Variants in DCLK1 observed in about 807,000 individuals in gnomAD.
DCLK1 encodes the protein serine/threonine-protein kinase DCLK1.
DCLK1 carries 16 observed loss-of-function variants against 86.2 expected under a neutral mutation model. The observed-to-expected ratio is 0.19, with a 90% CI of 0.13 to 0.28. The LOEUF is 0.28. DCLK1 is among the 10% of genes least tolerant of loss of function. DCLK1 has a pLI of 1.00. For synonymous variants in DCLK1, 369 were observed against 370.5 expected, an observed-to-expected ratio of 1.00 and a Z score of 0.05; for missense variants, 590 against 940.2, an observed-to-expected ratio of 0.63 and a Z score of 4.87.
At chr13:36,051,757 T>C (rs998664846) in intron 3 of DCLK1, among the ~76,000 whole-genome samples, 2 of 152,134 alleles carry the variant, frequency 1.3e-5, no homozygotes, top group African/African-American at 4.8e-5. Flanking sequence ...AACACTAAGG[T>C]ACTATTCAGC....
intron 2 of DCLK1, among the ~76,000 whole-genome samples, chr13:36,112,813 ATAAG>A (rs1278944153): frequency 2.0e-5 from 3 of 152,234 alleles, no homozygotes; most frequent in Non-Finnish European, 4.4e-5. Context: ...ATACTTGTTC[ATAAG>A]TAAGAGGTTT....
chr13:35,887,878 C>CAAAAAAAAAAAAAAAAAAA (rs760195385), intron 4 of DCLK1, among the ~76,000 whole-genome samples: 1 of 38,742 alleles, frequency 2.6e-5, no homozygotes, highest in African/African-American at 8.0e-5. Context: ...GATCTTGTCT[C>CAAAAAAAAAAAAAAAAAAA]AAAAAAAAAA....
At chr13:35,848,873 A>C in intron 6 of DCLK1, 1 of 985,380 alleles carries the variant, frequency 1.0e-6, no homozygotes, top group Non-Finnish European at 1.2e-6. Flanking sequence ...TAAAACAGAC[A>C]CCAGCATAGG....
intron 16 of DCLK1, among the ~76,000 whole-genome samples, chr13:35,786,365 A>G (rs1292922401): frequency 3.3e-5 from 5 of 152,240 alleles, no homozygotes; most frequent in African/African-American, 4.8e-5. Flanking sequence ...TTACACATAT[A>G]TATCTGGTTA....
At chr13:35,918,137 A>C (rs1875546423) in intron 4 of DCLK1, among the ~76,000 whole-genome samples, 1 of 152,238 alleles carries the variant, frequency 6.6e-6, no homozygotes, top group African/African-American at 2.4e-5. Context: ...CTTTCTACGT[A>C]TCCTCATATG....
chr13:35,824,067 G>T, intron 10 of DCLK1, among the ~76,000 whole-genome samples: 1 of 152,178 alleles, frequency 6.6e-6, no homozygotes, highest in Non-Finnish European at 1.5e-5. Context: ...CAGTCACCGT[G>T]GTCTATGTGA....
At chr13:35,942,144 G>A (rs560203338) in intron 4 of DCLK1, among the ~76,000 whole-genome samples, 5 of 152,112 alleles carry the variant, frequency 3.3e-5, no homozygotes, top group South Asian at 2.1e-4. Flanking sequence ...GAATCCACAC[G>A]GCTTTAATGT....
chr13:35,968,822 T>G (rs945980798), intron 3 of DCLK1, among the ~76,000 whole-genome samples: 6 of 152,140 alleles, frequency 3.9e-5, no homozygotes, highest in African/African-American at 1.4e-4. Flanking sequence ...AGTCCCAGCA[T>G]AGAGGACATT....
At chr13:35,988,895 T>G (rs1259168919) in intron 3 of DCLK1, among the ~76,000 whole-genome samples, 1 of 152,158 alleles carries the variant, frequency 6.6e-6, no homozygotes. Flanking sequence ...CCTGAATCTT[T>G]GCGGCCGCCC....
At chr13:35,889,657 G>C (rs1873515105) in intron 4 of DCLK1, among the ~76,000 whole-genome samples, 1 of 151,980 alleles carries the variant, frequency 6.6e-6, no homozygotes, top group African/African-American at 2.4e-5. Context: ...CTTAAGATTT[G>C]GTGATACATC....
At chr13:35,915,953 G>C (rs1875379685) in intron 4 of DCLK1, among the ~76,000 whole-genome samples, 1 of 152,136 alleles carries the variant, frequency 6.6e-6, no homozygotes, top group South Asian at 2.1e-4. Flanking sequence ...AAGAATAAGA[G>C]TAAGTATTTT....
At chr13:35,871,773 A>T (rs554113606) in intron 4 of DCLK1, among the ~76,000 whole-genome samples, 150 of 152,316 alleles carry the variant, frequency 9.8e-4, no homozygotes, top group African/African-American at 3.4e-3. Context: ...TCCGCCCACC[A>T]CAACAGGACC....
intron 4 of DCLK1, among the ~76,000 whole-genome samples, chr13:35,898,414 G>A (rs1170106055): frequency 2.0e-5 from 3 of 152,186 alleles, no homozygotes; most frequent in Non-Finnish European, 2.9e-5. Context: ...GGAAATGTCT[G>A]AAAAACTTGC....
intron 4 of DCLK1, among the ~76,000 whole-genome samples, chr13:35,922,815 C>T (rs1875876640): frequency 6.6e-6 from 1 of 152,134 alleles, no homozygotes; most frequent in South Asian, 2.1e-4. Context: ...TGGACACTTT[C>T]CCAAAGTCAC....
chr13:35,942,519 A>G (rs564159161), intron 4 of DCLK1, among the ~76,000 whole-genome samples: 1 of 152,326 alleles, frequency 6.6e-6, no homozygotes, highest in East Asian at 1.9e-4. Context: ...AACCATATCA[A>G]GTCCAAAGCA....
intron 4 of DCLK1, among the ~76,000 whole-genome samples, chr13:35,945,889 T>C (rs1168741228): frequency 6.6e-6 from 1 of 152,256 alleles, no homozygotes; most frequent in African/African-American, 2.4e-5. Context: ...ACCACTTGTC[T>C]AGTTATGGTC....
intron 3 of DCLK1, among the ~76,000 whole-genome samples, chr13:36,005,330 T>C (rs978514912): frequency 6.6e-6 from 1 of 152,136 alleles, no homozygotes; most frequent in African/African-American, 2.4e-5. Flanking sequence ...AAAATGTATA[T>C]GCAAAAAGAA....
At chr13:35,824,876 C>T (rs531727576) in intron 10 of DCLK1, among the ~76,000 whole-genome samples, 32 of 152,294 alleles carry the variant, frequency 2.1e-4, no homozygotes, top group Non-Finnish European at 3.8e-4. Flanking sequence ...GCCATCCAAA[C>T]AGGCCAAGAT....
intron 3 of DCLK1, among the ~76,000 whole-genome samples, chr13:36,068,159 C>T (rs1028643467): frequency 2.5e-4 from 38 of 152,266 alleles, no homozygotes; most frequent in African/African-American, 8.9e-4. Context: ...TATCAAAAAA[C>T]AGAGCCAAAT....
Sources: gnomAD v4.1 joint callset for allele counts (sites outside exome capture counted in the v4.1 genomes callset) on GRCh38, gnomAD v4.1.1 for gene constraint, MANE v1.5 for transcripts, NCBI Gene and HGNC (gene_info 2026-07-23, HGNC 2026-07-21) for gene names.